LAMA2: variants seen among roughly 807,000 people sequenced by gnomAD.
LAMA2 encodes the protein laminin subunit alpha-2.
A neutral mutation model predicts 364.8 loss-of-function variants in LAMA2; 269 were observed. The ratio of observed to expected loss-of-function variants is 0.74; its 90% confidence interval spans 0.67 to 0.82. The LOEUF is 0.82. Among genes scored for constraint, LAMA2 ranks in the 40% least tolerant of loss-of-function variants. LAMA2 has a pLI of 0.00. For missense variants in LAMA2, 3,807 were observed against 3,873.2 expected, an observed-to-expected ratio of 0.98 and a Z score of 0.45; for synonymous variants, 1,379 against 1,370.6, an observed-to-expected ratio of 1.01 and a Z score of -0.14.
intron 1 of LAMA2, among the ~76,000 whole-genome samples, chr6:128,919,306 T>C (rs1261017147): frequency 6.6e-6 from 1 of 152,244 alleles, no homozygotes; most frequent in Non-Finnish European, 1.5e-5. Flanking sequence ...TTAAATGTTC[T>C]GTGTTTTAAA....
intron 32 of LAMA2, among the ~76,000 whole-genome samples, chr6:129,358,631 C>A (rs1221577481): frequency 6.6e-6 from 1 of 151,968 alleles, no homozygotes; most frequent in Non-Finnish European, 1.5e-5. Flanking sequence ...ACCTAGCTTG[C>A]AATTTGTGTG....
rs750913549 is a variant in LAMA2 at position 129,297,691 on chromosome 6, A to G, written c.2863A>G (p.Thr955Ala). The G allele has an allele frequency of 6.2e-7, 1 of 1,613,594 alleles. No individual in the cohort carries two copies. Among genetic ancestry groups the G allele is most frequent in the South Asian group, 1.1e-5 (1 of 91,054 alleles). The change falls in exon 21 of 65, where the codon ACC (threonine) becomes GCC (alanine). Residue 955 changes from threonine (T) to alanine (A), a missense_variant. This residue lies in a region of LAMA2 where 3,333 missense variants were observed against 3,345.7 expected (regional missense o/e 1.00). Transcript: ENST00000421865. ...TCTCCTCTTCCATTGCCAGGCTGGG[A>G]CCTTTGGCCTACAATCAGCAAGGGG... is the stretch of plus-strand genomic sequence containing the variant. The part of the protein sequence containing the change: ...GQRCDKCKAG[T>A]FGLQSARGCV...
intron 1 of LAMA2, among the ~76,000 whole-genome samples, chr6:129,017,769 G>A (rs985650745): frequency 7.2e-5 from 11 of 151,934 alleles, no homozygotes; most frequent in Non-Finnish European, 8.8e-5. Flanking sequence ...TTTTTCTAAC[G>A]CCATTATTTC....
intron 3 of LAMA2, among the ~76,000 whole-genome samples, chr6:129,076,821 G>C (rs1436380704): frequency 6.6e-6 from 1 of 151,920 alleles, no homozygotes; most frequent in Non-Finnish European, 1.5e-5. Context: ...TGTGGATTTT[G>C]AGTCAAATTT....
chr6:129,495,723 C>CCTCT (rs950769472), intron 58 of LAMA2, among the ~76,000 whole-genome samples: 1 of 152,116 alleles, frequency 6.6e-6, no homozygotes, highest in African/African-American at 2.4e-5. Flanking sequence ...TTTTATAGGG[C>CCTCT]CTCTCAAGCA....
intron 28 of LAMA2, among the ~76,000 whole-genome samples, chr6:129,326,393 C>A (rs1248552240): frequency 6.6e-6 from 1 of 152,058 alleles, no homozygotes; most frequent in African/African-American, 2.4e-5. Context: ...ATGTGTTGTG[C>A]GTTAGAGTAG....
intron 17 of LAMA2, 118 bp downstream of exon 17, chr6:129,270,869 A>AT (rs2114357979): frequency 1.8e-6 from 2 of 1,091,736 alleles, no homozygotes; most frequent in Non-Finnish European, 2.7e-6. Context: ...ACAGACATGA[A>AT]TTTTTTCAGG....
intron 27 of LAMA2, 88 bp from the exon 28 acceptor site, chr6:129,320,450 G>C (rs1774893887): frequency 1.2e-6 from 1 of 829,258 alleles, no homozygotes; most frequent in African/African-American, 1.7e-5. Flanking sequence ...ACAAAAACGT[G>C]AGAAGGATAT....
At chr6:129,325,215 A>T (rs143556135) in intron 28 of LAMA2, among the ~76,000 whole-genome samples, 2 of 152,214 alleles carry the variant, frequency 1.3e-5, no homozygotes, top group Non-Finnish European at 2.9e-5. Flanking sequence ...GATAGACGAG[A>T]GCAGAAGAAA....
rs761837666 is a variant in LAMA2, at chr6:129,516,227, G to A, written c.9249G>A (p.Pro3083=). The A allele has an allele frequency of 4.0e-5, 65 of 1,613,868 alleles. No homozygotes were observed. Among genetic ancestry groups the A allele is most frequent in the Non-Finnish European group, 3.1e-5 (36 of 1,180,014 alleles). The stretch of plus-strand genomic sequence containing the variant: ...AGTTTGGCCTAACAACCAGTATTCC[G>A]TTCCGAGGTTGCATCAGATCCCTGA... ...LKQFGLTTSI[P]FRGCIRSLKL... Residue 3083 remains proline (P), a synonymous_variant, in exon 65 of 65, where the codon CCG becomes CCA. Coordinates refer to ENST00000421865, the MANE Select transcript of LAMA2 (RefSeq NM_000426.4).
intron 40 of LAMA2, 151 bp from the exon 41 acceptor site, chr6:129,427,601 C>G (rs1781385566): frequency 3.0e-6 from 2 of 659,132 alleles, no homozygotes; most frequent in Non-Finnish European, 5.4e-6. Context: ...CTAACTTTAA[C>G]TACCGAATAT....
At chr6:129,510,576 CAT>C (rs1391164404) in intron 62 of LAMA2, among the ~76,000 whole-genome samples, 1 of 151,934 alleles carries the variant, frequency 6.6e-6, no homozygotes, top group South Asian at 2.1e-4. Context: ...AAATAAGTAA[CAT>C]AGTTCTTTCT....
At chr6:129,359,814 G>A (rs1190880203) in intron 32 of LAMA2, among the ~76,000 whole-genome samples, 1 of 152,128 alleles carries the variant, frequency 6.6e-6, no homozygotes, top group African/African-American at 2.4e-5. Flanking sequence ...TTTGGATGCA[G>A]TGTGTGATTT....
rs762740616 is a variant in LAMA2 at position 129,270,617 on chromosome 6, T to A, written c.2323-7T>A. 6.2e-7 allele frequency: 1 copy of A among 1,612,844 alleles called. No individual in the cohort carries two copies. The highest frequency in any genetic ancestry group is 1.1e-5 in the South Asian group (1 of 91,078). On this transcript the variant is annotated splice_polypyrimidine_tract_variant and splice_region_variant and intron_variant, in intron 16 of 64. Coordinates refer to ENST00000421865, the MANE Select transcript of LAMA2 (RefSeq NM_000426.4). ...ATAATAAACTCTGATGCTCATTTCT[T>A]TCTCAGAACTGTAAGGATCACACAG... is the stretch of plus-strand genomic sequence containing the variant.
chr6:129,401,210 A>T lies in LAMA2; in HGVS notation c.5446-14A>T, dbSNP rs886061049. ...AAAATGCAATTTTGATGTCTTGTTC[A>T]TAATGGTCTACAGAAAAAGAAGGAG... is the stretch of plus-strand genomic sequence containing the variant. On this transcript the variant is annotated splice_polypyrimidine_tract_variant and intron_variant, in intron 37 of 64. Coordinates refer to ENST00000421865, the MANE Select transcript of LAMA2 (RefSeq NM_000426.4). 3.3e-6 allele frequency: 5 copies of T among 1,492,932 alleles called. No homozygotes were observed. Among genetic ancestry groups the T allele is most frequent in the African/African-American group, 1.4e-5 (1 of 71,546 alleles). The allele number at this position is 1,492,932 out of a possible 1,614,324, so 92.5% of individuals were successfully genotyped here.
chr6:129,175,858 A>C (rs990438275), intron 9 of LAMA2, among the ~76,000 whole-genome samples: 1 of 152,112 alleles, frequency 6.6e-6, no homozygotes, highest in Admixed American at 6.6e-5. Flanking sequence ...AAAATTAACT[A>C]TCATTAAAAC....
intron 1 of LAMA2, among the ~76,000 whole-genome samples, chr6:128,910,959 G>C (rs1392087526): frequency 6.6e-6 from 1 of 151,312 alleles, no homozygotes; most frequent in Admixed American, 6.6e-5. Flanking sequence ...GGGGGTCAGG[G>C]GTCAGGGACC....
At chr6:129,011,076 G>T (rs185292759) in intron 1 of LAMA2, among the ~76,000 whole-genome samples, 43 of 152,154 alleles carry the variant, frequency 2.8e-4, no homozygotes, top group African/African-American at 8.9e-4. Context: ...AGCCTCCCAG[G>T]TTCAAGTAAT....
chr6:129,187,309 G>A (rs573724041), intron 10 of LAMA2, among the ~76,000 whole-genome samples: 85 of 151,644 alleles, frequency 5.6e-4, no homozygotes, highest in African/African-American at 2.0e-3. Flanking sequence ...AATAGAAGGC[G>A]GGAAATTTTG....
Sources: gnomAD v4.1 joint callset for allele counts (sites outside exome capture counted in the v4.1 genomes callset) on GRCh38, gnomAD v4.1.1 for gene constraint, gnomAD v4.1.1 regional missense constraint, MANE v1.5 for transcripts, NCBI Gene and HGNC (gene_info 2026-07-23, HGNC 2026-07-21) for gene names.